The following NR5A2 variants were observed in gnomAD, a reference collection of about 807,000 sequenced individuals.
The protein encoded by NR5A2 is CYP7A promoter-binding factor.
A neutral mutation model predicts 62.7 loss-of-function variants in NR5A2; 26 were observed. The observed-to-expected ratio is 0.41, with a 90% CI of 0.30 to 0.58. The LOEUF is 0.58. Ranked by LOEUF, NR5A2 falls within the 20% of genes least tolerant of loss-of-function variation. NR5A2 has a pLI of 0.22. For synonymous variants in NR5A2, 246 were observed against 241.7 expected, an observed-to-expected ratio of 1.02 and a Z score of -0.16; for missense variants, 541 against 669.1, an observed-to-expected ratio of 0.81 and a Z score of 2.11.
intron 7 of NR5A2, among the ~76,000 whole-genome samples, chr1:200,136,240 A>C (rs578236461): frequency 6.7e-6 from 1 of 148,928 alleles, no homozygotes; most frequent in African/African-American, 2.5e-5. Flanking sequence ...TTTTTTGGAG[A>C]TGGAATCTCA....
At chr1:200,094,230 G>A (rs1357509713) in intron 5 of NR5A2, among the ~76,000 whole-genome samples, 1 of 151,286 alleles carries the variant, frequency 6.6e-6, no homozygotes, top group African/African-American at 2.4e-5. Context: ...TGTTGCCCAG[G>A]CTGGAGTGCA....
At chr1:200,066,415 G>C (rs1663470550) in intron 5 of NR5A2, among the ~76,000 whole-genome samples, 1 of 152,014 alleles carries the variant, frequency 6.6e-6, no homozygotes, top group African/African-American at 2.4e-5. Context: ...CCAGGTGCCA[G>C]AGCCAGTTCT....
Position 200,039,702 on chromosome 1 carries a change from G to T in NR5A2, c.109G>T (p.Gly37Cys). The T allele has an allele frequency of 1.2e-6, 2 of 1,611,158 alleles. No individual in the cohort carries two copies. The highest frequency in any genetic ancestry group is 2.3e-5 in the East Asian group (1 of 44,444). The change falls in exon 2 of 8, where the codon GGT becomes TGT. Residue 37 changes from glycine (G) to cysteine (C), a missense_variant. By Grantham distance (159) the Gly-to-Cys change is radical (BLOSUM62 -3). Coordinates refer to ENST00000367362, the MANE Select transcript of NR5A2 (RefSeq NM_205860.3). The surrounding 1 kb of genome is among the most constrained non-coding windows in gnomAD (Gnocchi z 5.1). The part of the protein sequence containing the change: ...DRHGSPIPAR[G>C]RLVMLPKVET... The stretch of plus-strand genomic sequence containing the variant: ...ACACGGATCCCCCATCCCCGCCCGC[G>T]GTCGCCTTGTCATGCTGCCCAAAGT...
intron 5 of NR5A2, among the ~76,000 whole-genome samples, chr1:200,076,823 T>A (rs1482268377): frequency 6.6e-6 from 1 of 152,234 alleles, no homozygotes; most frequent in Non-Finnish European, 1.5e-5. Flanking sequence ...TGGCATTGCA[T>A]GATCTTGGTT....
chr1:200,055,491 C>G (rs1662874322), intron 5 of NR5A2, among the ~76,000 whole-genome samples: 1 of 152,156 alleles, frequency 6.6e-6, no homozygotes, highest in African/African-American at 2.4e-5. Context: ...GCCCAGCCAG[C>G]CCTACTTTTC....
Position 200,147,761 on chromosome 1 carries a change from C to A in NR5A2, c.1379-26202C>A. ...TCCACGGTGAAGACGCGGATGCCGG[C>A]GCGAATGCCGGCACGGATGCCGGCA... On this transcript the variant is annotated intron_variant, in intron 7 of 7. Coordinates refer to ENST00000367362, the MANE Select transcript of NR5A2 (RefSeq NM_205860.3). This position sits in a 1 kb window ranked among gnomAD's most constrained non-coding sequence, Gnocchi z 4.9. 1 of 513,728 alleles carries A rather than the reference C, an allele frequency of 1.9e-6. No individual in the cohort carries two copies. The highest frequency in any genetic ancestry group is 2.0e-5 in the South Asian group (1 of 50,400). The allele number at this position is 513,728 out of a possible 1,614,324, so 31.8% of individuals were successfully genotyped here.
chr1:200,049,998 T>C (rs1306464249), intron 5 of NR5A2, among the ~76,000 whole-genome samples: 1 of 152,228 alleles, frequency 6.6e-6, no homozygotes, highest in African/African-American at 2.4e-5. Context: ...TAAAATTCCA[T>C]CAGCACGCTG....
At chr1:200,153,347 T>C (rs189503309) in intron 7 of NR5A2, among the ~76,000 whole-genome samples, 3 of 152,362 alleles carry the variant, frequency 2.0e-5, no homozygotes, top group African/African-American at 7.2e-5. Context: ...TTCCATGACA[T>C]ACTGAACCCT....
At chr1:200,125,245 C>T (rs1439401118) in intron 7 of NR5A2, among the ~76,000 whole-genome samples, 2 of 152,220 alleles carry the variant, frequency 1.3e-5, no homozygotes, top group African/African-American at 2.4e-5. Context: ...GATAGGCTTT[C>T]AGCCCATGTT....
At chr1:200,101,882 T>G (rs191963095) in intron 5 of NR5A2, among the ~76,000 whole-genome samples, 56 of 152,332 alleles carry the variant, frequency 3.7e-4, no homozygotes, top group African/African-American at 1.3e-3. Flanking sequence ...ACTTTGTCCT[T>G]TGGTTTGATA....
rs1236210913 is a variant in NR5A2, at chr1:200,175,851, A to G, written c.*1641A>G. ...TCACTTTGTAGAAACTGTAAAAAATAAAAGTATCTCCTAGTCCCTTAATTT... is the reference window on the plus strand; with the variant it reads ...TCACTTTGTAGAAACTGTAAAAAATGAAAGTATCTCCTAGTCCCTTAATTT... On this transcript the variant is annotated 3_prime_UTR_variant, in exon 8 of 8. Transcript: ENST00000367362. 6.6e-6 allele frequency: 1 copy of G among 152,664 alleles called. No individual in the cohort carries two copies. Among genetic ancestry groups the G allele is most frequent in the Non-Finnish European group, 1.5e-5 (1 of 68,048 alleles). 9.5% of individuals were successfully genotyped at this position (152,664 alleles called of 1,614,324 possible).
chr1:200,165,610 C>T lies in NR5A2; in HGVS notation c.1379-8353C>T, dbSNP rs181077630. Reference sequence around the variant, plus strand: ...CAGTTGGAATCATACAATATAGAGCCTTTTCAAAGTGGCTTCTTTCATTTA... The same window carrying T: ...CAGTTGGAATCATACAATATAGAGCTTTTTCAAAGTGGCTTCTTTCATTTA... On this transcript the variant is annotated intron_variant, in intron 7 of 7. Coordinates refer to ENST00000367362, the MANE Select transcript of NR5A2 (RefSeq NM_205860.3). Among the ~76,000 whole-genome samples, 705 of 152,284 alleles carry T rather than the reference C, an allele frequency of 4.6e-3. 3 individuals are homozygous for T. Among genetic ancestry groups the T allele is most frequent in the Non-Finnish European group, 8.1e-3 (551 of 68,030 alleles).
At chr1:200,131,649 T>C (rs2102329215) in intron 7 of NR5A2, among the ~76,000 whole-genome samples, 2 of 152,298 alleles carry the variant, frequency 1.3e-5, no homozygotes, top group Middle Eastern at 6.8e-3. Context: ...GTGGCTGTCT[T>C]AGTACCAGCT....
At chr1:200,064,797 G>A (rs1176993596) in intron 5 of NR5A2, among the ~76,000 whole-genome samples, 4 of 151,972 alleles carry the variant, frequency 2.6e-5, no homozygotes, top group Non-Finnish European at 4.4e-5. Flanking sequence ...TAAAGGAGTT[G>A]GTATCTTTTA....
chr1:200,149,152 A>T (rs1299261037), intron 7 of NR5A2, among the ~76,000 whole-genome samples: 1 of 152,230 alleles, frequency 6.6e-6, no homozygotes, highest in South Asian at 2.1e-4. Flanking sequence ...ACCTCAGGTG[A>T]TCCATCTGCC....
intron 7 of NR5A2, among the ~76,000 whole-genome samples, chr1:200,130,299 AGAAGAAGAAGAAGAAGAAG>A (rs760761765): frequency 1.3e-5 from 1 of 76,264 alleles, no homozygotes; most frequent in African/African-American, 3.9e-5. Context: ...AAGAAGAAGA[AGAAGAAGAAGAAGAAGAAG>A]AAGAAAAAAA....
chr1:200,115,822 C>G (rs1324505026), intron 6 of NR5A2, among the ~76,000 whole-genome samples: 3 of 151,918 alleles, frequency 2.0e-5, no homozygotes, highest in Non-Finnish European at 2.9e-5. Context: ...TAAGGAAGTG[C>G]CTTACCCCTA....
At chr1:200,130,346 T>G (rs112458262) in intron 7 of NR5A2, among the ~76,000 whole-genome samples, 1,571 of 151,042 alleles carry the variant, frequency 0.01, 9 homozygotes, top group Non-Finnish European at 0.018. Flanking sequence ...ACAGAGAAAT[T>G]TGATCACTGA....
At position 200,110,374 on chromosome 1, in the gene NR5A2, A is replaced by G. The variant is rs141994128; in HGVS notation, c.1111-828A>G. ...AATATGCTGTCCATATTTAAATACG[A>G]GGACTGGACATGAGACAGATGTGCA... is the stretch of plus-strand genomic sequence containing the variant. On this transcript the variant is annotated intron_variant, in intron 5 of 7. Coordinates refer to ENST00000367362, the MANE Select transcript of NR5A2 (RefSeq NM_205860.3). Among the ~76,000 whole-genome samples, 27 of 152,358 alleles carry G rather than the reference A, an allele frequency of 1.8e-4. 2 individuals carry two copies. In the East Asian group the frequency reaches 5.2e-3, roughly 29 times the overall value.
Sources: gnomAD v4.1 joint callset for allele counts (sites outside exome capture counted in the v4.1 genomes callset) on GRCh38, gnomAD v4.1.1 for gene constraint, Gnocchi (gnomAD v3.1) non-coding constraint, MANE v1.5 for transcripts, NCBI Gene and HGNC (gene_info 2026-07-23, HGNC 2026-07-21) for gene names.